Variants in LIMCH1 observed in about 807,000 individuals in gnomAD.
The protein encoded by LIMCH1 is LIM and calponin homology domains-containing protein 1.
LIMCH1 carries 113 observed loss-of-function variants against 176.5 expected under a neutral mutation model. The observed-to-expected ratio is 0.64, with a 90% CI of 0.55 to 0.75. The LOEUF is 0.75. Among genes scored for constraint, LIMCH1 ranks in the 30% least tolerant of loss-of-function variants. The pLI, the probability that LIMCH1 is intolerant of heterozygous loss-of-function variation, is 0.00. For synonymous variants in LIMCH1, 619 were observed against 645.9 expected (o/e 0.96, Z 0.63); for missense variants, 1,674 against 1,814.9 (o/e 0.92, Z 1.41).
At chr4:41,503,287 C>T (rs1583225551) in intron 2 of LIMCH1, among the ~76,000 whole-genome samples, 1 of 152,092 alleles carries the variant, frequency 6.6e-6, no homozygotes, top group African/African-American at 2.4e-5. Flanking sequence ...TCTGGATTTG[C>T]CCTTGCTTGG....
Position 41,604,602 on chromosome 4 carries a change from A to C in LIMCH1, c.-103+697A>C, listed in dbSNP as rs557738512. On this transcript the variant is annotated intron_variant, in intron 3 of 31. Coordinates refer to ENST00000503057, the MANE Select transcript of LIMCH1 (RefSeq NM_001330672.2). ...AAACTAGAGGTATACGCCATTTTTCATCATAAAATTTTAAACAAATCAGAA... is the reference window on the plus strand; with the variant it reads ...AAACTAGAGGTATACGCCATTTTTCCTCATAAAATTTTAAACAAATCAGAA... 5.3e-5 allele frequency among the ~76,000 whole-genome samples: 8 copies of C among 152,214 alleles called. No homozygotes were observed. In the East Asian group the frequency reaches 1.3e-3, roughly 26 times the overall value.
intron 2 of LIMCH1, among the ~76,000 whole-genome samples, chr4:41,601,348 G>T (rs114480599): frequency 2.6e-5 from 4 of 152,172 alleles, no homozygotes; most frequent in Non-Finnish European, 4.4e-5. Context: ...CCAGTCCGGA[G>T]GTGGTTGAGG....
chr4:41,635,241 T>C (rs2093524019), intron 13 of LIMCH1, among the ~76,000 whole-genome samples: 2 of 152,012 alleles, frequency 1.3e-5, no homozygotes, highest in African/African-American at 4.8e-5. Flanking sequence ...TGTCACTTTT[T>C]TTTTTTTTTT....
intron 29 of LIMCH1, among the ~76,000 whole-genome samples, chr4:41,688,208 C>T (rs751387958): frequency 1.3e-5 from 2 of 152,186 alleles, no homozygotes; most frequent in Non-Finnish European, 2.9e-5. Flanking sequence ...ACCAGACAAC[C>T]GCTGGGCTCC....
chr4:41,671,236 A>G (rs1490942965), intron 21 of LIMCH1, among the ~76,000 whole-genome samples: 1 of 152,148 alleles, frequency 6.6e-6, no homozygotes, highest in African/African-American at 2.4e-5. Context: ...ACTAAGAATC[A>G]GTACTAATAG....
rs747573731 is a variant in LIMCH1 at position 41,619,275 on chromosome 4, A to C, written c.293A>C (p.His98Pro). The C allele has an allele frequency of 6.2e-7, 1 of 1,614,216 alleles. No homozygotes were observed. Among genetic ancestry groups the C allele is most frequent in the Non-Finnish European group, 8.5e-7 (1 of 1,180,028 alleles). Residue 98 changes from histidine (H) to proline (P), a missense_variant, in exon 6 of 32, where the codon CAT becomes CCT. Coordinates refer to ENST00000503057, the MANE Select transcript of LIMCH1 (RefSeq NM_001330672.2). ...GACATGTCTGCACGGCGGACTTCCCATGGTGAGCCGAAATCAGCAGTGCCT... is the reference window on the plus strand; with the variant it reads ...GACATGTCTGCACGGCGGACTTCCCCTGGTGAGCCGAAATCAGCAGTGCCT... ...KDDMSARRTS[H>P]GEPKSAVPFN...
At chr4:41,612,285 G>A (rs1310430429) in intron 4 of LIMCH1, 5 of 398,938 alleles carry the variant, frequency 1.3e-5, no homozygotes, top group South Asian at 5.3e-5. Flanking sequence ...ATTGGCTCCC[G>A]TGGGCATCCT....
intron 5 of LIMCH1, among the ~76,000 whole-genome samples, chr4:41,614,194 C>T (rs543056519): frequency 2.6e-5 from 4 of 152,330 alleles, no homozygotes; most frequent in Admixed American, 2.6e-4. Flanking sequence ...TAGCACGATG[C>T]AGGTGGCTGT....
chr4:41,581,289 C>T (rs2085386783), intron 1 of LIMCH1, among the ~76,000 whole-genome samples: 1 of 151,876 alleles, frequency 6.6e-6, no homozygotes, highest in African/African-American at 2.4e-5. Flanking sequence ...TTAACACATC[C>T]ATCACTGCAA....
At chr4:41,399,685 C>CTTTTTTTTTGT (rs2058171430) in intron 1 of LIMCH1, among the ~76,000 whole-genome samples, 1 of 95,788 alleles carries the variant, frequency 1.0e-5, no homozygotes. Context: ...GGTGGATACT[C>CTTTTTTTTTGT]TTTTTTTTTT....
chr4:41,661,003 G>T (rs1223486652), intron 18 of LIMCH1, among the ~76,000 whole-genome samples: 1 of 152,116 alleles, frequency 6.6e-6, no homozygotes, highest in Non-Finnish European at 1.5e-5. Flanking sequence ...CAATGGTAAG[G>T]GCCACAGGCA....
chr4:41,581,007 A>G (rs2152679331), intron 1 of LIMCH1, among the ~76,000 whole-genome samples: 1 of 152,310 alleles, frequency 6.6e-6, no homozygotes, highest in South Asian at 2.1e-4. Context: ...GATACTGGAA[A>G]GGTAAAGAGT....
At chr4:41,499,775 G>T (rs937921320) in intron 2 of LIMCH1, among the ~76,000 whole-genome samples, 1 of 152,106 alleles carries the variant, frequency 6.6e-6, no homozygotes, top group Non-Finnish European at 1.5e-5. Context: ...CTGAGATTGT[G>T]CCACTGCACT....
At chr4:41,514,770 A>G (rs1049557913) in intron 2 of LIMCH1, among the ~76,000 whole-genome samples, 1 of 152,188 alleles carries the variant, frequency 6.6e-6, no homozygotes, top group African/African-American at 2.4e-5. Context: ...CCTCCCAAGG[A>G]GCAGCAGAAA....
chr4:41,613,482 A>G lies in LIMCH1; in HGVS notation c.26A>G (p.Glu9Gly), dbSNP rs776004143. The change falls in exon 5 of 32, where the codon GAA becomes GGA. Residue 9 changes from glutamate to glycine, a missense_variant. Physicochemically the swap from Glu to Gly is moderately conservative, Grantham distance 98. Coordinates refer to ENST00000503057, the MANE Select transcript of LIMCH1 (RefSeq NM_001330672.2). MRKDTDDI[E>G]SPKRSIRDSG... ...TTTTGACAGGACACTGATGACATTGAAAGTCCTAAACGCAGTATCCGAGAC... is the reference window on the plus strand; with the variant it reads ...TTTTGACAGGACACTGATGACATTGGAAGTCCTAAACGCAGTATCCGAGAC... 7.4e-6 allele frequency: 12 copies of G among 1,613,854 alleles called. No homozygotes were observed. Among genetic ancestry groups the G allele is most frequent in the Middle Eastern group, 3.3e-4 (2 of 6,084 alleles).
chr4:41,480,861 C>T (rs2068482512), intron 1 of LIMCH1, among the ~76,000 whole-genome samples: 1 of 152,114 alleles, frequency 6.6e-6, no homozygotes, highest in African/African-American at 2.4e-5. Context: ...TTCCTTTTTG[C>T]AAGGCAAGGG....
intron 13 of LIMCH1, 40 bp downstream of exon 13, chr4:41,633,848 C>T: frequency 6.6e-7 from 1 of 1,523,744 alleles, no homozygotes; most frequent in Non-Finnish European, 8.8e-7. Flanking sequence ...TTTGTTTCTC[C>T]AGTCTGAGCT....
At chr4:41,498,992 A>C (rs1367030722) in intron 2 of LIMCH1, among the ~76,000 whole-genome samples, 2 of 152,132 alleles carry the variant, frequency 1.3e-5, no homozygotes, top group African/African-American at 4.8e-5. Context: ...TAAAGTGTTT[A>C]CTATCTGGTC....
At chr4:41,444,313 TACACAC>T (rs71198657) in intron 1 of LIMCH1, among the ~76,000 whole-genome samples, 27,150 of 133,944 alleles carry the variant, frequency 0.2, 2,707 homozygotes, top group South Asian at 0.28. Context: ...TGTATATATA[TACACAC>T]ACACACACAC....
Sources: allele counts gnomAD v4.1 joint callset (sites outside exome capture counted in the v4.1 genomes callset), GRCh38; gene constraint gnomAD v4.1.1; transcripts MANE v1.5; gene names NCBI Gene and HGNC (gene_info 2026-07-23, HGNC 2026-07-21).